The following EPS15L1 variants were observed in gnomAD, a reference collection of about 807,000 sequenced individuals.
EPS15L1 encodes the protein epidermal growth factor receptor substrate 15-like 1.
Under a neutral mutation model 117.1 loss-of-function variants are expected in EPS15L1, and 43 were observed. That is an observed-to-expected ratio of 0.37 (90% CI 0.29 to 0.47). EPS15L1 has a LOEUF of 0.47. Among genes scored for constraint, EPS15L1 ranks in the 20% least tolerant of loss-of-function variants. The pLI is 0.99. For missense variants in EPS15L1, 981 were observed against 1,164.0 expected, an observed-to-expected ratio of 0.84 and a Z score of 2.29; for synonymous variants, 459 against 470.5, an observed-to-expected ratio of 0.98 and a Z score of 0.32.
chr19:16,393,872 C>T (rs780484491), intron 18 of EPS15L1, 79 bp downstream of exon 18: 40 of 1,405,590 alleles, frequency 2.8e-5, no homozygotes, highest in Admixed American at 3.4e-5. Flanking sequence ...TGTATGTGGA[C>T]ACAAGTCCCA....
At chr19:16,411,313 G>A (rs890130468) in intron 13 of EPS15L1, among the ~76,000 whole-genome samples, 1 of 152,208 alleles carries the variant, frequency 6.6e-6, no homozygotes, top group Non-Finnish European at 1.5e-5. Flanking sequence ...AGAATGGGAA[G>A]TAACTGCTTA....
At chr19:16,433,848 A>C (rs2092952745) in intron 7 of EPS15L1, among the ~76,000 whole-genome samples, 1 of 152,198 alleles carries the variant, frequency 6.6e-6, no homozygotes, top group South Asian at 2.1e-4. Context: ...CTGTAATCCC[A>C]GCTACTTGGG....
At position 16,379,414 on chromosome 19, in the gene EPS15L1, C is replaced by A. The variant is rs138599343; in HGVS notation, c.2248-2160G>T. Among the ~76,000 whole-genome samples, 633 of 152,264 alleles carry A rather than the reference C, an allele frequency of 4.2e-3. 4 individuals are homozygous for A. Among genetic ancestry groups the A allele is most frequent in the African/African-American group, 0.015 (604 of 41,540 alleles). ...GGGCCGGGGGTCTTTAACTTTCTCCCCAGCAGGGAAGGCCTAGAGACAGAG... is the reference window on the plus strand; with the variant it reads ...GGGCCGGGGGTCTTTAACTTTCTCCACAGCAGGGAAGGCCTAGAGACAGAG... On this transcript the variant is annotated intron_variant, in intron 21 of 23. Coordinates refer to ENST00000455140, the MANE Select transcript of EPS15L1 (RefSeq NM_001258374.3).
At chr19:16,359,899 A>AC (rs916107372) in intron 23 of EPS15L1, among the ~76,000 whole-genome samples, 1 of 151,270 alleles carries the variant, frequency 6.6e-6, no homozygotes, top group African/African-American at 2.4e-5. Flanking sequence ...GAAAAAAAAA[A>AC]AAAAAACAGA....
At chr19:16,419,816 GC>G (rs1179552170) in intron 10 of EPS15L1, among the ~76,000 whole-genome samples, 1 of 152,222 alleles carries the variant, frequency 6.6e-6, no homozygotes, top group Admixed American at 6.5e-5. Flanking sequence ...TCCCCAGTCT[GC>G]CCCTGCGGGC....
chr19:16,427,089 GAGGGAGGAAGA>G (rs2092879885), intron 8 of EPS15L1, among the ~76,000 whole-genome samples: 1 of 152,154 alleles, frequency 6.6e-6, no homozygotes. Flanking sequence ...GTGATGGAGG[GAGGGAGGAAGA>G]AGGGAGGAGA....
chr19:16,462,438 A>G (rs1425287500), intron 1 of EPS15L1, among the ~76,000 whole-genome samples: 3 of 152,140 alleles, frequency 2.0e-5, no homozygotes, highest in Non-Finnish European at 4.4e-5. Flanking sequence ...AGGTGGGTGG[A>G]TCACTAGAGG....
intron 23 of EPS15L1, 40 bp from the exon 24 acceptor site, chr19:16,355,891 G>A (rs1388600469): frequency 5.2e-6 from 8 of 1,528,388 alleles, no homozygotes; most frequent in Non-Finnish European, 7.0e-6. Flanking sequence ...GTGGCCCTGG[G>A]GCTGGGACCT....
At position 16,404,577 on chromosome 19, in the gene EPS15L1, C is replaced by T. The variant is rs201216751; in HGVS notation, c.1428+11G>A. On this transcript the variant is annotated intron_variant, in intron 14 of 23. Transcript: ENST00000455140. The surrounding 1 kb of genome is among the most constrained non-coding windows in gnomAD (Gnocchi z 4.2). ...GCATAGGGCGCTGCCCCGGAGGTGG[C>T]CGGGACCCACCATCTGAGTCTCATC... 130 of 1,613,822 alleles carry T rather than the reference C, an allele frequency of 8.1e-5. No homozygotes were observed. The highest frequency in any genetic ancestry group is 1.0e-4 in the Admixed American group (6 of 59,998).
chr19:16,392,536 T>C (rs2092488806), intron 18 of EPS15L1, 96 bp from the exon 19 acceptor site: 2 of 1,254,580 alleles, frequency 1.6e-6, no homozygotes, highest in African/African-American at 1.5e-5. Context: ...TTACATGAAA[T>C]TCTAGAAAGG....
In EPS15L1 at chr19:16,406,669, A is replaced by G. The variant is rs536071962; in HGVS notation, c.1267-1920T>C. 3.2e-4 allele frequency among the ~76,000 whole-genome samples: 48 copies of G among 152,296 alleles called. No homozygotes were observed. In the South Asian group the frequency reaches 8.1e-3, roughly 26 times the overall value. On this transcript the variant is annotated intron_variant, in intron 13 of 23. Coordinates refer to ENST00000455140, the MANE Select transcript of EPS15L1 (RefSeq NM_001258374.3). ...GATCCAGGACACTAGGGGCTCCAACACCTTTGGCCTGCCCAGAGAAGTTCC... is the reference window on the plus strand; with the variant it reads ...GATCCAGGACACTAGGGGCTCCAACGCCTTTGGCCTGCCCAGAGAAGTTCC...
intron 8 of EPS15L1, among the ~76,000 whole-genome samples, chr19:16,426,362 T>C (rs979892108): frequency 1.3e-5 from 2 of 152,162 alleles, no homozygotes; most frequent in African/African-American, 2.4e-5. Flanking sequence ...AAACCAGGCA[T>C]GGTGGCTCAT....
intron 1 of EPS15L1, among the ~76,000 whole-genome samples, chr19:16,469,144 C>T (rs1193484350): frequency 6.6e-6 from 1 of 152,184 alleles, no homozygotes; most frequent in Non-Finnish European, 1.5e-5. Flanking sequence ...CAGAGTCCAG[C>T]AGGCTGGCAG....
chr19:16,383,357 A>C lies in EPS15L1; in HGVS notation c.2247+1772T>G, dbSNP rs551499727. On this transcript the variant is annotated intron_variant, in intron 21 of 23. Coordinates refer to ENST00000455140, the MANE Select transcript of EPS15L1 (RefSeq NM_001258374.3). The surrounding 1 kb of genome is among the most constrained non-coding windows in gnomAD (Gnocchi z 5.2). ...GCTCTCCCTCCCTCTGCTCACAGTG[A>C]GAGGAGGAAGACAGATCCAGCCTCC... 1 of 152,120 alleles carries C rather than the reference A, an allele frequency of 6.6e-6. No individual in the cohort carries two copies. The highest frequency in any genetic ancestry group is 1.5e-5 in the Non-Finnish European group (1 of 68,012). 9.4% of individuals were successfully genotyped at this position (152,120 alleles called of 1,614,324 possible).
intron 7 of EPS15L1, among the ~76,000 whole-genome samples, chr19:16,432,160 A>T (rs1236382812): frequency 6.6e-6 from 1 of 152,218 alleles, no homozygotes; most frequent in Non-Finnish European, 1.5e-5. Context: ...TTGGCCAGGC[A>T]CGGTGGCTCA....
At chr19:16,416,199 A>C (rs2092755863) in intron 12 of EPS15L1, among the ~76,000 whole-genome samples, 1 of 152,108 alleles carries the variant, frequency 6.6e-6, no homozygotes, top group Non-Finnish European at 1.5e-5. Flanking sequence ...TAGGACCAGG[A>C]TCCATCCTCC....
At chr19:16,461,573 G>T (rs1189873715) in intron 1 of EPS15L1, among the ~76,000 whole-genome samples, 1 of 152,046 alleles carries the variant, frequency 6.6e-6, no homozygotes, top group Admixed American at 6.6e-5. Flanking sequence ...GGTGAGCTGA[G>T]ATCGCGCCAC....
chr19:16,417,681 C>T (rs780279773), intron 11 of EPS15L1, 44 bp from the exon 12 acceptor site: 5 of 1,526,254 alleles, frequency 3.3e-6, no homozygotes, highest in Non-Finnish European at 3.6e-6. Context: ...AGCAACCTGA[C>T]ATCACCTGAC....
chr19:16,392,278 C>T (rs112068280), intron 19 of EPS15L1, 26 bp downstream of exon 19: 25 of 1,613,618 alleles, frequency 1.5e-5, no homozygotes, highest in African/African-American at 1.3e-4. Context: ...ACGCAGCTCT[C>T]CCGGGCAACG....
Sources: allele counts gnomAD v4.1 joint callset (sites outside exome capture counted in the v4.1 genomes callset), GRCh38; gene constraint gnomAD v4.1.1; non-coding constraint Gnocchi (gnomAD v3.1); transcripts MANE v1.5; gene names NCBI Gene and HGNC (gene_info 2026-07-23, HGNC 2026-07-21).